The following ARHGAP29 variants were observed in gnomAD, a reference collection of about 807,000 sequenced individuals.
ARHGAP29 encodes Rho GTPase activating protein 29.
In ARHGAP29, 43 loss-of-function variants were observed where a neutral mutation model predicts 122.6. The observed-to-expected ratio is 0.35, with a 90% confidence interval of 0.27 to 0.45. The LOEUF (loss-of-function observed/expected upper bound fraction) is 0.45, where lower values mean the gene tolerates loss of function less well. Ranked by LOEUF, ARHGAP29 falls within the 20% of genes least tolerant of loss-of-function variation. The pLI, the probability that ARHGAP29 is intolerant of heterozygous loss-of-function variation, is 1.00. For synonymous variants in ARHGAP29, 506 were observed against 497.1 expected (o/e 1.02, Z -0.24); for missense variants, 1,303 against 1,477.2 (o/e 0.88, Z 1.93).
the ARHGAP29 span, among the ~76,000 whole-genome samples, chr1:94,311,035 C>G: frequency 1.3e-5 from 2 of 152,180 alleles, no homozygotes; most frequent in Non-Finnish European, 2.9e-5. Flanking sequence ...TGAGCCTGCA[C>G]CAGATGGGGA....
chr1:94,283,220 G>C, the ARHGAP29 span, among the ~76,000 whole-genome samples: 1 of 152,110 alleles, frequency 6.6e-6, no homozygotes, highest in African/African-American at 2.4e-5. Flanking sequence ...CCATTAGTTT[G>C]AACGGCCACC....
intron 1 of ARHGAP29, 123 bp downstream of exon 1, chr1:94,237,292 A>T: frequency 1.5e-6 from 1 of 659,520 alleles, no homozygotes; most frequent in Non-Finnish European, 1.9e-6. Context: ...CACCGCTTCC[A>T]CTCGGGGCCG....
intron 1 of ARHGAP29, among the ~76,000 whole-genome samples, chr1:94,246,385 T>G (rs1244121998): frequency 6.6e-6 from 1 of 152,148 alleles, no homozygotes; most frequent in Non-Finnish European, 1.5e-5. Context: ...GGGAATCTCC[T>G]CTCCCAAACT....
At chr1:94,237,226 C>A (rs1346893853) in intron 1 of ARHGAP29, among the ~76,000 whole-genome samples, 189 bp downstream of exon 1, 1 of 152,134 alleles carries the variant, frequency 6.6e-6, no homozygotes, top group Non-Finnish European at 1.5e-5. Context: ...CCCGGCCGGA[C>A]CCTTCCCGTG....
At chr1:94,212,657 A>G (rs775479313) in intron 3 of ARHGAP29, among the ~76,000 whole-genome samples, 20 of 152,336 alleles carry the variant, frequency 1.3e-4, no homozygotes, top group Non-Finnish European at 2.6e-4. Flanking sequence ...AGTGAAAAGA[A>G]TAATTATTGA....
intron 3 of ARHGAP29, among the ~76,000 whole-genome samples, chr1:94,214,439 C>T (rs753262753): frequency 7.9e-5 from 12 of 152,194 alleles, no homozygotes; most frequent in Non-Finnish European, 1.8e-4. Flanking sequence ...CTCCAAGCTC[C>T]AGATTCGCAT....
the ARHGAP29 span, among the ~76,000 whole-genome samples, chr1:94,297,110 G>C: frequency 2.0e-5 from 3 of 152,128 alleles, no homozygotes; most frequent in Non-Finnish European, 4.4e-5. Context: ...CAGTGTCAAA[G>C]GGGTGAGTGA....
intron 5 of ARHGAP29, 69 bp from the exon 6 acceptor site, chr1:94,205,752 G>T: frequency 7.0e-7 from 1 of 1,434,338 alleles, no homozygotes; most frequent in Non-Finnish European, 9.7e-7. Context: ...GAATTTTTTT[G>T]CCCCAATTTG....
intron 2 of ARHGAP29, 134 bp from the exon 3 acceptor site, chr1:94,220,526 T>C (rs1289028519): frequency 3.0e-6 from 2 of 656,810 alleles, no homozygotes; most frequent in Non-Finnish European, 5.0e-6. Context: ...TTCATTTATA[T>C]CTTCACTGCT....
At chr1:94,243,643 A>G (rs1653688520) in intron 1 of ARHGAP29, among the ~76,000 whole-genome samples, 1 of 152,100 alleles carries the variant, frequency 6.6e-6, no homozygotes, top group African/African-American at 2.4e-5. Context: ...CTAGAAAACA[A>G]AGAGCAAATT....
chr1:94,280,869 A>T, the ARHGAP29 span, among the ~76,000 whole-genome samples: 1 of 152,214 alleles, frequency 6.6e-6, no homozygotes, highest in Non-Finnish European at 1.5e-5. Context: ...AGAGGATAGG[A>T]TGGAGTTGTC....
chr1:94,297,849 C>T, the ARHGAP29 span, among the ~76,000 whole-genome samples: 11 of 152,066 alleles, frequency 7.2e-5, no homozygotes, highest in Non-Finnish European at 5.9e-5. Context: ...ATGTGATGAC[C>T]ACACAGAAAA....
At chr1:94,269,987 TG>T (rs1654928592) in intron 1 of ARHGAP29, among the ~76,000 whole-genome samples, 1 of 152,166 alleles carries the variant, frequency 6.6e-6, no homozygotes, top group Non-Finnish European at 1.5e-5. Context: ...ATCAATGGGA[TG>T]GACAACAATA....
At chr1:94,217,056 G>A (rs1651989616) in intron 3 of ARHGAP29, among the ~76,000 whole-genome samples, 1 of 152,132 alleles carries the variant, frequency 6.6e-6, no homozygotes, top group Non-Finnish European at 1.5e-5. Flanking sequence ...GAGGAAGCAG[G>A]CACCCTTCAT....
intron 12 of ARHGAP29, among the ~76,000 whole-genome samples, chr1:94,196,264 T>C (rs12072175): frequency 2.9e-4 from 33 of 113,792 alleles, no homozygotes; most frequent in African/African-American, 5.6e-4. Flanking sequence ...TTCTTTTTTT[T>C]TTTTTTTTTT....
At position 94,179,949 on chromosome 1, in the gene ARHGAP29, T is replaced by C; in HGVS notation, c.2256A>G (p.Glu752=). Residue 752 remains glutamate, a synonymous_variant, in exon 20 of 23, where the codon GAA becomes GAG. Transcript: ENST00000260526. The part of the protein sequence containing the change: ...VLKLYLRQLP[E]PFILFRLYKE... ...TGTACAATCGAAATAAAATAAATGG[T>C]TCTGGGAGCTAAAGAAATAAAATTA... 3 of 1,590,272 alleles carry C rather than the reference T, an allele frequency of 1.9e-6. No individual in the cohort carries two copies. The highest frequency in any genetic ancestry group is 3.4e-4 in the Middle Eastern group (2 of 5,902).
intron 3 of ARHGAP29, among the ~76,000 whole-genome samples, chr1:94,215,945 T>C (rs554565121): frequency 3.9e-4 from 38 of 97,574 alleles, no homozygotes; most frequent in African/African-American, 1.2e-3. Flanking sequence ...AAACAAAAGA[T>C]ATTCAACTGT....
chr1:94,309,284 G>A, the ARHGAP29 span, among the ~76,000 whole-genome samples: 1 of 152,216 alleles, frequency 6.6e-6, no homozygotes, highest in African/African-American at 2.4e-5. Context: ...TAAATAACTT[G>A]ATCAGGATCA....
the ARHGAP29 span, among the ~76,000 whole-genome samples, chr1:94,306,869 A>T: frequency 1.3e-5 from 2 of 152,194 alleles, no homozygotes; most frequent in African/African-American, 4.8e-5. Context: ...CATGGTAAAA[A>T]ATATATATAC....
Sources: allele counts gnomAD v4.1 joint callset (sites outside exome capture counted in the v4.1 genomes callset), GRCh38; gene constraint gnomAD v4.1.1; transcripts MANE v1.5; gene names NCBI Gene and HGNC (gene_info 2026-07-23, HGNC 2026-07-21).